Variants in SPAG17 observed in about 807,000 individuals in gnomAD.
SPAG17 encodes sperm associated antigen 17, also known as sperm-associated antigen 17.
In SPAG17, 169 loss-of-function variants were observed where a neutral mutation model predicts 273.6. The ratio of observed to expected loss-of-function variants is 0.62; its 90% confidence interval spans 0.55 to 0.70. SPAG17 has a LOEUF of 0.70. Ranked by LOEUF, SPAG17 falls within the 30% of genes least tolerant of loss-of-function variation. SPAG17 has a pLI of 0.00. For missense variants in SPAG17, 2,557 were observed against 2,627.8 expected (o/e 0.97, Z 0.59); for synonymous variants, 825 against 873.2 (o/e 0.94, Z 0.97).
chr1:117,957,946 A>G (rs943883429), intron 48 of SPAG17, among the ~76,000 whole-genome samples: 1 of 152,230 alleles, frequency 6.6e-6, no homozygotes, highest in Non-Finnish European at 1.5e-5. Context: ...CATAAAGCAA[A>G]TATGTTCATT....
chr1:118,085,314 A>C (rs1206459428), intron 13 of SPAG17, among the ~76,000 whole-genome samples: 1 of 152,190 alleles, frequency 6.6e-6, no homozygotes, highest in Non-Finnish European at 1.5e-5. Context: ...CAACAAGAGG[A>C]TATAAGATGA....
At chr1:118,053,466 TA>T (rs1651296789) in intron 20 of SPAG17, among the ~76,000 whole-genome samples, 1 of 152,000 alleles carries the variant, frequency 6.6e-6, no homozygotes, top group South Asian at 2.1e-4. Context: ...ATTCAAGGAA[TA>T]AATGGGTGCC....
chr1:118,027,884 A>T (rs1647941104), intron 26 of SPAG17, among the ~76,000 whole-genome samples: 2 of 152,148 alleles, frequency 1.3e-5, no homozygotes. Context: ...AACATGCTGC[A>T]CCCATGACCC....
intron 32 of SPAG17, among the ~76,000 whole-genome samples, chr1:118,001,369 T>C (rs1055470942): frequency 3.4e-4 from 52 of 152,230 alleles, no homozygotes; most frequent in Admixed American, 2.7e-3. Flanking sequence ...CTTTTTCTAT[T>C]GATTGGAATA....
rs1658795830 is a variant in SPAG17 at position 118,005,571 on chromosome 1, A to G, written c.4619T>C (p.Ile1540Thr). 2 of 1,558,296 alleles carry G rather than the reference A, an allele frequency of 1.3e-6. No homozygotes were observed. Among genetic ancestry groups the G allele is most frequent in the Non-Finnish European group, 1.7e-6 (2 of 1,152,816 alleles). The change falls in exon 32 of 49, where the codon ATT becomes ACT. Residue 1540 changes from isoleucine to threonine, a missense_variant. Coordinates refer to ENST00000336338, the MANE Select transcript of SPAG17 (RefSeq NM_206996.4). ...GTACACAGCTGAACAATCCTTGTCA[A>G]TATAAAGAGAGCCTGTGTTTGGAGG... is the stretch of plus-strand genomic sequence containing the variant. ...VLPPNTGSLY[I>T]DKDCSAVYCH...
intron 42 of SPAG17, 49 bp from the exon 43 acceptor site, chr1:117,981,450 A>G (rs369697466): frequency 9.0e-6 from 14 of 1,552,824 alleles, no homozygotes; most frequent in African/African-American, 1.4e-5. Context: ...GTAAAATGAT[A>G]TAATGACTAC....
intron 24 of SPAG17, among the ~76,000 whole-genome samples, chr1:118,033,626 C>A (rs1648736983): frequency 6.6e-6 from 1 of 152,176 alleles, no homozygotes; most frequent in African/African-American, 2.4e-5. Flanking sequence ...GATCATGTCA[C>A]CTCCCTTACT....
intron 1 of SPAG17, among the ~76,000 whole-genome samples, chr1:118,184,625 T>C (rs1661098190): frequency 1.3e-5 from 2 of 152,188 alleles, no homozygotes. Flanking sequence ...ACAGTGTAAT[T>C]CTAGGCACTC....
rs752260953 is a variant in SPAG17 at position 118,081,450 on chromosome 1, A to G, written c.1955T>C (p.Met652Thr). The change falls in exon 14 of 49, where the codon ATG becomes ACG. Residue 652 changes from methionine to threonine, a missense_variant. Physicochemically the swap from Met to Thr is moderately conservative, Grantham distance 81. Coordinates refer to ENST00000336338, the MANE Select transcript of SPAG17 (RefSeq NM_206996.4). ...FAKQIRQQYV[M>T]KMNTQEAKQK... The stretch of plus-strand genomic sequence containing the variant: ...CTTGGCCTCTTGAGTATTCATTTTC[A>G]TGACATATTGCTGCCTTATCTGTTT... 3.1e-6 allele frequency: 5 copies of G among 1,613,818 alleles called. No individual in the cohort carries two copies. Among genetic ancestry groups the G allele is most frequent in the East Asian group, 4.5e-5 (2 of 44,870 alleles).
In SPAG17 at chr1:117,988,131, A is replaced by C; in HGVS notation, c.5595T>G (p.Gly1865=). 6.2e-7 allele frequency: 1 copy of C among 1,607,740 alleles called. No individual in the cohort carries two copies. Among genetic ancestry groups the C allele is most frequent in the Non-Finnish European group, 8.5e-7 (1 of 1,178,172 alleles). The part of the protein sequence containing the change: ...TPPKCPPDTF[G]KDFFEKTWRH... ...TCCATGTCTTTTCAAAGAAATCTTT[A>C]CCAAATGTGTCTGGTGGGCATTTTG... The change falls in exon 39 of 49, where the codon GGT becomes GGG. Residue 1865 remains glycine (G), a synonymous_variant. Transcript: ENST00000336338.
intron 20 of SPAG17, among the ~76,000 whole-genome samples, chr1:118,050,946 C>G (rs959537311): frequency 1.5e-4 from 22 of 151,698 alleles, no homozygotes; most frequent in African/African-American, 5.1e-4. Context: ...ATCAACAAAG[C>G]GAAGAAATAA....
intron 18 of SPAG17, among the ~76,000 whole-genome samples, chr1:118,062,856 C>A (rs1014909840): frequency 2.6e-5 from 4 of 152,072 alleles, no homozygotes; most frequent in South Asian, 2.1e-4. Flanking sequence ...AACAACAGAG[C>A]AAGTATTAAT....
chr1:118,011,771 C>T (rs1243396238), intron 30 of SPAG17, among the ~76,000 whole-genome samples: 1 of 152,008 alleles, frequency 6.6e-6, no homozygotes, highest in Non-Finnish European at 1.5e-5. Context: ...CACACACACA[C>T]ACACAGTGAG....
At chr1:118,070,516 G>C (rs1037449498) in intron 17 of SPAG17, among the ~76,000 whole-genome samples, 2 of 152,064 alleles carry the variant, frequency 1.3e-5, no homozygotes, top group Admixed American at 1.3e-4. Context: ...AAGAACAGTG[G>C]ACCCAACGCA....
Position 117,963,955 on chromosome 1 carries a change from G to A in SPAG17, c.6533-17C>T. On this transcript the variant is annotated splice_polypyrimidine_tract_variant and intron_variant, in intron 47 of 48. Transcript: ENST00000336338. ...TTAAAACAGGTAAAATACTTGTTAA[G>A]GGCTGTGCTTTTCATGACTAAATTA... 1 of 1,602,742 alleles carries A rather than the reference G, an allele frequency of 6.2e-7. No homozygotes were observed. Among genetic ancestry groups the A allele is most frequent in the Non-Finnish European group, 8.5e-7 (1 of 1,174,446 alleles).
rs1656629893 is a variant in SPAG17, at chr1:117,988,013, G to GC, written c.5621+91_5621+92insG. On this transcript the variant is annotated intron_variant, in intron 39 of 48. Transcript: ENST00000336338. ...GATGAAGGGCTGTGAATTCATTGATGTAGTCACCAAAAGTTATAGCACCTG... is the reference window on the plus strand; with the variant it reads ...GATGAAGGGCTGTGAATTCATTGATGCTAGTCACCAAAAGTTATAGCACCTG... 3 of 1,408,856 alleles carry GC rather than the reference G, an allele frequency of 2.1e-6. No individual in the cohort carries two copies. In the African/African-American group the frequency reaches 4.3e-5, roughly 20 times the overall value. The allele number at this position is 1,408,856 out of a possible 1,614,324, so 87.3% of individuals were successfully genotyped here. A position where few individuals can be genotyped will look rare whatever the true frequency, so the allele number is the denominator to read the frequency against.
intron 46 of SPAG17, among the ~76,000 whole-genome samples, chr1:117,969,030 G>A (rs772463972): frequency 2.6e-5 from 4 of 152,180 alleles, no homozygotes; most frequent in African/African-American, 9.7e-5. Flanking sequence ...GAAGTATGAA[G>A]TAAAAGGGGT....
chr1:118,117,247 C>T (rs997708944), intron 3 of SPAG17, among the ~76,000 whole-genome samples: 9 of 152,062 alleles, frequency 5.9e-5, no homozygotes, highest in African/African-American at 2.2e-4. Context: ...AAAAGTGTTA[C>T]CCCAGAGTGG....
At chr1:118,168,503 G>T (rs796807240) in intron 1 of SPAG17, among the ~76,000 whole-genome samples, 1 of 152,118 alleles carries the variant, frequency 6.6e-6, no homozygotes, top group Non-Finnish European at 1.5e-5. Context: ...ATGAGGCTAC[G>T]GTAGTAACAA....
Sources: gnomAD v4.1 joint callset for allele counts (sites outside exome capture counted in the v4.1 genomes callset) on GRCh38, gnomAD v4.1.1 for gene constraint, MANE v1.5 for transcripts, NCBI Gene and HGNC (gene_info 2026-07-23, HGNC 2026-07-21) for gene names.